MYSM1: variants seen among roughly 807,000 people sequenced by gnomAD.
MYSM1 encodes the protein deubiquitinase MYSM1.
Under a neutral mutation model 116.0 loss-of-function variants are expected in MYSM1, and 51 were observed. The observed-to-expected ratio is 0.44, with a 90% confidence interval of 0.35 to 0.56. The LOEUF is 0.56. Among genes scored for constraint, MYSM1 ranks in the 20% least tolerant of loss-of-function variants. MYSM1 has a pLI of 0.00. For synonymous variants in MYSM1, 313 were observed against 315.2 expected (o/e 0.99, Z 0.07); for missense variants, 900 against 974.9 (o/e 0.92, Z 1.02).
intron 2 of MYSM1, 85 bp downstream of exon 2, chr1:58,695,044 A>G: frequency 3.0e-6 from 2 of 665,428 alleles, no homozygotes; most frequent in Admixed American, 2.9e-5. Flanking sequence ...GAGAACTAGC[A>G]CTAAGTTTAA....
chr1:58,680,453 C>G (rs2100644488), intron 8 of MYSM1, among the ~76,000 whole-genome samples: 1 of 152,278 alleles, frequency 6.6e-6, no homozygotes, highest in African/African-American at 2.4e-5. Flanking sequence ...TTGTTCCTTG[C>G]AAGTATTCTT....
chr1:58,668,730 T>A, intron 13 of MYSM1, 48 bp from the exon 14 acceptor site: 2 of 1,531,358 alleles, frequency 1.3e-6, no homozygotes, highest in Non-Finnish European at 1.8e-6. Flanking sequence ...AAAATAGAGA[T>A]TTTTGTTTTC....
chr1:58,668,693 AAAAAC>A lies in MYSM1; in HGVS notation c.1717-16_1717-12del, dbSNP rs1274264102. The stretch of plus-strand genomic sequence containing the variant: ...CACCTGAAATGGCTCCTGAAATATA[AAAAAC>A]AAAACAAAACGGGGGAGCATAAAAA... On this transcript the variant is annotated splice_polypyrimidine_tract_variant and intron_variant, in intron 13 of 19. Transcript: ENST00000472487. The A allele has an allele frequency of 2.5e-6, 4 of 1,598,506 alleles. No individual in the cohort carries two copies. Among genetic ancestry groups the A allele is most frequent in the Non-Finnish European group, 3.4e-6 (4 of 1,171,868 alleles).
chr1:58,661,160 G>A lies in MYSM1; in HGVS notation c.2328+10C>T. The A allele has an allele frequency of 6.2e-7, 1 of 1,606,556 alleles. No individual in the cohort carries two copies. Among genetic ancestry groups the A allele is most frequent in the Non-Finnish European group, 8.5e-7 (1 of 1,173,442 alleles). ...GAACAATGGAACCAATTAAAATGAA[G>A]ACAGCTTACTTTCTGCAAACAAGTC... On this transcript the variant is annotated intron_variant, in intron 19 of 19. Coordinates refer to ENST00000472487, the MANE Select transcript of MYSM1 (RefSeq NM_001085487.3).
chr1:58,687,388 A>G (rs1242179010), intron 6 of MYSM1, among the ~76,000 whole-genome samples: 5 of 152,210 alleles, frequency 3.3e-5, no homozygotes, highest in African/African-American at 9.7e-5. Flanking sequence ...TTAATACCCT[A>G]TAACTTTAGG....
chr1:58,686,740 A>C (rs1409700521), intron 6 of MYSM1, among the ~76,000 whole-genome samples: 1 of 152,228 alleles, frequency 6.6e-6, no homozygotes, highest in East Asian at 1.9e-4. Flanking sequence ...GGTAGGTAGC[A>C]TGGAGCATTT....
chr1:58,668,595 T>C (rs1456679547), intron 14 of MYSM1, 37 bp downstream of exon 14: 29 of 1,567,294 alleles, frequency 1.9e-5, no homozygotes, highest in Non-Finnish European at 2.5e-5. Context: ...AGAGTAGAAA[T>C]CAGAATAACT....
chr1:58,681,547 A>G (rs1396491271), intron 8 of MYSM1, among the ~76,000 whole-genome samples: 1 of 152,200 alleles, frequency 6.6e-6, no homozygotes, highest in African/African-American at 2.4e-5. Context: ...TCATAAAGCA[A>G]TCGTCTATCC....
At chr1:58,680,098 A>ATGATT (rs1457109226) in intron 8 of MYSM1, among the ~76,000 whole-genome samples, 1 of 151,518 alleles carries the variant, frequency 6.6e-6, no homozygotes, top group Non-Finnish European at 1.5e-5. Flanking sequence ...TGAGTTAGTT[A>ATGATT]TGATTTCAAG....
intron 8 of MYSM1, among the ~76,000 whole-genome samples, chr1:58,678,714 G>A (rs1218823175): frequency 1.3e-5 from 2 of 152,210 alleles, no homozygotes; most frequent in Non-Finnish European, 2.9e-5. Context: ...GCAAGAGAAT[G>A]AAAGGGAGGA....
chr1:58,666,794 A>T (rs1557506768), intron 16 of MYSM1, among the ~76,000 whole-genome samples: 1 of 151,628 alleles, frequency 6.6e-6, no homozygotes, highest in Non-Finnish European at 1.5e-5. Context: ...GAATCACTTG[A>T]ACCTAAGAGG....
chr1:58,697,771 T>C (rs12745930), intron 1 of MYSM1, among the ~76,000 whole-genome samples: 1 of 151,302 alleles, frequency 6.6e-6, no homozygotes, highest in Non-Finnish European at 1.5e-5. Flanking sequence ...GTATTTTTAG[T>C]AGAGACGGGG....
At chr1:58,669,666 A>G (rs1462092263) in intron 12 of MYSM1, among the ~76,000 whole-genome samples, 5 of 151,796 alleles carry the variant, frequency 3.3e-5, no homozygotes, top group African/African-American at 9.7e-5. Context: ...ACCCCTACAA[A>G]AGAATTTCAA....
rs910778342 is a variant in MYSM1 at position 58,657,713 on chromosome 1, A to C, written c.*2284T>G. ...ACTTCACACTTCTCTGTATTTTAAA[A>C]TATACTTTACAAGACAAATGTACTC... On this transcript the variant is annotated 3_prime_UTR_variant, in exon 20 of 20. Coordinates refer to ENST00000472487, the MANE Select transcript of MYSM1 (RefSeq NM_001085487.3). 1.3e-5 allele frequency: 2 copies of C among 152,190 alleles called. No individual in the cohort carries two copies. The highest frequency in any genetic ancestry group is 4.8e-5 in the African/African-American group (2 of 41,442). 9.4% of individuals were successfully genotyped at this position (152,190 alleles called of 1,614,324 possible).
intron 3 of MYSM1, among the ~76,000 whole-genome samples, chr1:58,691,135 C>A (rs576609268): frequency 6.6e-6 from 1 of 152,170 alleles, no homozygotes; most frequent in Admixed American, 6.5e-5. Context: ...AAAAAATTAG[C>A]CAGGCGTGGT....
chr1:58,681,279 T>C (rs572033985), intron 8 of MYSM1, among the ~76,000 whole-genome samples: 1 of 152,336 alleles, frequency 6.6e-6, no homozygotes, highest in East Asian at 1.9e-4. Flanking sequence ...ATAAGCTTCA[T>C]CTATCAGAAA....
At chr1:58,691,834 T>C (rs1391568879) in intron 3 of MYSM1, among the ~76,000 whole-genome samples, 2 of 152,064 alleles carry the variant, frequency 1.3e-5, no homozygotes, top group Admixed American at 6.6e-5. Flanking sequence ...ACCATTGCAC[T>C]CCAGCCTGGG....
intron 8 of MYSM1, among the ~76,000 whole-genome samples, chr1:58,681,224 A>G (rs1489082176): frequency 6.6e-6 from 1 of 152,228 alleles, no homozygotes; most frequent in Non-Finnish European, 1.5e-5. Context: ...TTGTTCCCTA[A>G]GCTTCATTAA....
At chr1:58,698,781 A>G (rs969158958) in intron 1 of MYSM1, among the ~76,000 whole-genome samples, 5 of 152,362 alleles carry the variant, frequency 3.3e-5, no homozygotes, top group South Asian at 2.1e-4. Context: ...AAGTATTGTT[A>G]TTAAGGGCTC....
Sources: allele counts gnomAD v4.1 joint callset (sites outside exome capture counted in the v4.1 genomes callset), GRCh38; gene constraint gnomAD v4.1.1; transcripts MANE v1.5; gene names NCBI Gene and HGNC (gene_info 2026-07-23, HGNC 2026-07-21).